Variants in BFAR observed in about 807,000 individuals in gnomAD.
The protein encoded by BFAR is bifunctional apoptosis regulator.
BFAR carries 52 observed loss-of-function variants against 54.4 expected under a neutral mutation model. The observed-to-expected ratio is 0.96, with a 90% CI of 0.77 to 1.21. The LOEUF (loss-of-function observed/expected upper bound fraction) is 1.21. Ranked by LOEUF, BFAR falls within the 50% of genes most tolerant of loss-of-function variation. The probability of loss-of-function intolerance (pLI) is 0.00; values close to 1 mark genes in which losing one functional copy is unlikely to be tolerated. For missense variants in BFAR, 571 were observed against 534.0 expected, an observed-to-expected ratio of 1.07 and a Z score of -0.68; for synonymous variants, 215 against 204.3, an observed-to-expected ratio of 1.05 and a Z score of -0.45.
At chr16:14,663,861 C>G in intron 6 of BFAR, among the ~76,000 whole-genome samples, 2 of 152,032 alleles carry the variant, frequency 1.3e-5, no homozygotes, top group South Asian at 4.2e-4. Context: ...TCAATGTATT[C>G]ATAATTCATG....
chr16:14,661,112 G>A (rs1960275150), intron 5 of BFAR, among the ~76,000 whole-genome samples: 1 of 152,108 alleles, frequency 6.6e-6, no homozygotes, highest in African/African-American at 2.4e-5. Flanking sequence ...TGAAGAAAAT[G>A]AAAATGGCTA....
chr16:14,646,044 T>G (rs1486787052), intron 2 of BFAR, among the ~76,000 whole-genome samples: 6 of 151,576 alleles, frequency 4.0e-5, no homozygotes, highest in Non-Finnish European at 8.9e-5. Context: ...AATTTTTGGG[T>G]TTTTTTGTTT....
chr16:14,667,547 C>G, intron 7 of BFAR, 88 bp from the exon 8 acceptor site: 1 of 1,294,042 alleles, frequency 7.7e-7, no homozygotes, highest in Non-Finnish European at 1.1e-6. Flanking sequence ...CATGCTCTTC[C>G]CAGCACCCAG....
intron 1 of BFAR, among the ~76,000 whole-genome samples, chr16:14,634,796 C>T (rs1035471226): frequency 6.6e-6 from 1 of 152,172 alleles, no homozygotes. Flanking sequence ...ATCAGTGTCA[C>T]TCCTAAGACC....
At chr16:14,667,578 T>C in intron 7 of BFAR, 57 bp from the exon 8 acceptor site, 1 of 1,509,236 alleles carries the variant, frequency 6.6e-7, no homozygotes, top group Non-Finnish European at 9.1e-7. Flanking sequence ...GGGCCCGGAC[T>C]CCTGGGTGTG....
chr16:14,650,055 G>C, intron 4 of BFAR, 82 bp downstream of exon 4: 1 of 1,396,158 alleles, frequency 7.2e-7, no homozygotes, highest in Non-Finnish European at 9.6e-7. Flanking sequence ...AGGCGCGGTG[G>C]CTCACACCTG....
intron 1 of BFAR, among the ~76,000 whole-genome samples, chr16:14,639,320 T>C (rs1959550858): frequency 6.6e-6 from 1 of 152,018 alleles, no homozygotes; most frequent in Admixed American, 6.6e-5. Context: ...GTTCTTTTTT[T>C]TTTTTCAGAC....
chr16:14,638,494 T>C (rs541129620), intron 1 of BFAR, among the ~76,000 whole-genome samples: 14 of 152,332 alleles, frequency 9.2e-5, no homozygotes, highest in African/African-American at 3.4e-4. Flanking sequence ...TCATAATAAA[T>C]GTATGTTGAG....
At chr16:14,660,324 T>C (rs1258777731) in intron 5 of BFAR, among the ~76,000 whole-genome samples, 1 of 152,152 alleles carries the variant, frequency 6.6e-6, no homozygotes, top group Non-Finnish European at 1.5e-5. Context: ...TTTGCCCTTG[T>C]TGCCCACGCT....
In BFAR at chr16:14,654,580, T is replaced by G. The variant is rs189398759; in HGVS notation, c.639-486T>G. On this transcript the variant is annotated intron_variant, in intron 4 of 7. Coordinates refer to ENST00000261658, the MANE Select transcript of BFAR (RefSeq NM_016561.3). ...TGGAGGGCAGTGACGAGATCTTAGC[T>G]CACTGCAACCTCCGCCTCCCAGGTT... 2.3e-3 allele frequency among the ~76,000 whole-genome samples: 337 copies of G among 146,078 alleles called. 2 individuals are homozygous for G. Among genetic ancestry groups the G allele is most frequent in the African/African-American group, 8.2e-3 (323 of 39,628 alleles).
chr16:14,644,423 A>G lies in BFAR; in HGVS notation c.77A>G (p.Gln26Arg). Reference protein sequence around the residue: ...RDEPLKSTGPQISVSEFSCHC... With the variant: ...RDEPLKSTGPRISVSEFSCHC... ...GAACCTCTCAAAAGCACCGGCCCTC[A>G]GATTTCTGTTAGTGAATTTTCTTGC... The change falls in exon 2 of 8, where the codon CAG (glutamine) becomes CGG (arginine). Residue 26 changes from glutamine (Q) to arginine (R), a missense_variant. Coordinates refer to ENST00000261658, the MANE Select transcript of BFAR (RefSeq NM_016561.3). The G allele has an allele frequency of 1.2e-6, 2 of 1,614,004 alleles. No individual in the cohort carries two copies. Among genetic ancestry groups the G allele is most frequent in the Non-Finnish European group, 1.7e-6 (2 of 1,179,932 alleles).
At chr16:14,661,717 T>C (rs1960292968) in intron 5 of BFAR, among the ~76,000 whole-genome samples, 175 bp from the exon 6 acceptor site, 1 of 152,198 alleles carries the variant, frequency 6.6e-6, no homozygotes, top group Non-Finnish European at 1.5e-5. Flanking sequence ...ATCGAATCTT[T>C]ATACAATGTA....
At chr16:14,651,273 G>C (rs1203371361) in intron 4 of BFAR, among the ~76,000 whole-genome samples, 1 of 152,154 alleles carries the variant, frequency 6.6e-6, no homozygotes, top group Non-Finnish European at 1.5e-5. Context: ...TAATTTGCTG[G>C]AGCAGCTCAC....
At position 14,667,914 on chromosome 16, in the gene BFAR, C is replaced by T; in HGVS notation, c.*87C>T. 7.4e-7 allele frequency: 1 copy of T among 1,346,524 alleles called. No individual in the cohort carries two copies. The highest frequency in any genetic ancestry group is 1.0e-6 in the Non-Finnish European group (1 of 963,622). The allele number at this position is 1,346,524 out of a possible 1,614,324, so 83.4% of individuals were successfully genotyped here. ...AGGGGTGAGGCAGGGAGCGGACTTC[C>T]TATTTTCTACCCTCAGTAAAACAAG... On this transcript the variant is annotated 3_prime_UTR_variant, in exon 8 of 8. Coordinates refer to ENST00000261658, the MANE Select transcript of BFAR (RefSeq NM_016561.3).
chr16:14,637,914 T>A (rs1959503624), intron 1 of BFAR, among the ~76,000 whole-genome samples: 1 of 152,132 alleles, frequency 6.6e-6, no homozygotes, highest in Non-Finnish European at 1.5e-5. Flanking sequence ...GAAGTTTAAT[T>A]TCTCTCTTTG....
At chr16:14,657,232 GGTTTTT>G (rs1396644798) in intron 5 of BFAR, among the ~76,000 whole-genome samples, 1 of 151,868 alleles carries the variant, frequency 6.6e-6, no homozygotes, top group Non-Finnish European at 1.5e-5. Flanking sequence ...TGTGTTATTT[GGTTTTT>G]GTTTTTGTTT....
chr16:14,647,663 C>G (rs1446432933), intron 2 of BFAR, among the ~76,000 whole-genome samples: 1 of 142,776 alleles, frequency 7.0e-6, no homozygotes, highest in Non-Finnish European at 1.5e-5. Context: ...GGTGACAGAG[C>G]AAGACTCTTG....
intron 4 of BFAR, among the ~76,000 whole-genome samples, chr16:14,654,007 T>A (rs868147524): frequency 1.4e-4 from 15 of 109,912 alleles, no homozygotes; most frequent in African/African-American, 5.5e-4. Context: ...ATCTAAGAAC[T>A]TTTTTTTTTT....
At chr16:14,635,039 G>A (rs1044317868) in intron 1 of BFAR, among the ~76,000 whole-genome samples, 3 of 152,080 alleles carry the variant, frequency 2.0e-5, no homozygotes, top group Admixed American at 2.0e-4. Flanking sequence ...GTGAGGATAA[G>A]GAAAAATGTC....
Sources: gnomAD v4.1 joint callset for allele counts (sites outside exome capture counted in the v4.1 genomes callset) on GRCh38, gnomAD v4.1.1 for gene constraint, MANE v1.5 for transcripts, NCBI Gene and HGNC (gene_info 2026-07-23, HGNC 2026-07-21) for gene names.